The following SLCO2A1 variants were observed in gnomAD, a reference collection of about 807,000 sequenced individuals.
The protein encoded by SLCO2A1 is solute carrier organic anion transporter family member 2A1.
In SLCO2A1, 60 loss-of-function variants were observed where a neutral mutation model predicts 71.7. That is an observed-to-expected ratio of 0.84 (90% confidence interval 0.68 to 1.04). SLCO2A1 has a LOEUF of 1.04. SLCO2A1 is among the 50% of genes least tolerant of loss of function. The pLI, the probability that SLCO2A1 is intolerant of heterozygous loss-of-function variation, is 0.00. For synonymous variants in SLCO2A1, 308 were observed against 326.7 expected, an observed-to-expected ratio of 0.94 and a Z score of 0.62; for missense variants, 745 against 813.4, an observed-to-expected ratio of 0.92 and a Z score of 1.02.
intron 6 of SLCO2A1, 182 bp downstream of exon 6, chr3:133,951,026 T>C: frequency 2.7e-6 from 2 of 753,052 alleles, no homozygotes; most frequent in Non-Finnish European, 4.6e-6. Flanking sequence ...ATACCACCTT[T>C]TGGAAATTCA....
chr3:133,984,304 C>T (rs1041377451), intron 1 of SLCO2A1, among the ~76,000 whole-genome samples: 3 of 152,170 alleles, frequency 2.0e-5, no homozygotes, highest in African/African-American at 7.2e-5. Context: ...TTCCACATCC[C>T]CCACCCCTTC....
intron 1 of SLCO2A1, among the ~76,000 whole-genome samples, chr3:134,006,148 C>CG (rs1935210214): frequency 6.6e-6 from 1 of 152,116 alleles, no homozygotes; most frequent in African/African-American, 2.4e-5. Context: ...CCTTGACCTC[C>CG]GAGGCTCAAG....
chr3:134,022,879 G>C (rs1935619020), intron 1 of SLCO2A1, among the ~76,000 whole-genome samples: 1 of 152,188 alleles, frequency 6.6e-6, no homozygotes, highest in Non-Finnish European at 1.5e-5. Flanking sequence ...CCACTGTCCA[G>C]GTCCCCACAG....
chr3:133,948,842 A>G, intron 7 of SLCO2A1, 51 bp downstream of exon 7: 1 of 1,599,390 alleles, frequency 6.3e-7, no homozygotes, highest in Non-Finnish European at 8.6e-7. Context: ...CCTGGCCACT[A>G]TCCCCTCCCC....
At chr3:134,014,930 GA>G (rs1043169807) in intron 1 of SLCO2A1, among the ~76,000 whole-genome samples, 1 of 152,116 alleles carries the variant, frequency 6.6e-6, no homozygotes, top group Non-Finnish European at 1.5e-5. Context: ...AACTTCAAGG[GA>G]AAAAACATAC....
In SLCO2A1 at chr3:133,935,964, G is replaced by C. The variant is rs371058256; in HGVS notation, c.1691-67C>G. 7.5e-5 allele frequency: 107 copies of C among 1,435,194 alleles called. No individual in the cohort carries two copies. In the East Asian group the frequency reaches 2.1e-3, roughly 28 times the overall value. 88.9% of individuals were successfully genotyped at this position (1,435,194 alleles called of 1,614,324 possible). A position where few individuals can be genotyped will look rare whatever the true frequency, so the allele number is the denominator to read the frequency against. ...GGCAGAGGTGTCCAGCAGGGGTGTG[G>C]GAGCCAAGTCCCCGACACAGTTCAC... On this transcript the variant is annotated intron_variant, in intron 12 of 13. Transcript: ENST00000310926.
chr3:133,972,090 A>G (rs908865717), intron 3 of SLCO2A1, among the ~76,000 whole-genome samples: 1 of 152,240 alleles, frequency 6.6e-6, no homozygotes, highest in African/African-American at 2.4e-5. Context: ...GAAAAAGAGT[A>G]TAATATAAAT....
At position 133,955,017 on chromosome 3, in the gene SLCO2A1, T is replaced by C; in HGVS notation, c.574A>G (p.Ile192Val). The change falls in exon 4 of 14, where the codon ATC becomes GTC. Residue 192 changes from isoleucine (I) to valine (V), a missense_variant. Transcript: ENST00000310926. ...TCTGAGAAGTCATCCACATAGGAGA[T>C]CCCAAATGGCTGAATAGGCACTGTC... ...IGTVPIQPFG[I>V]SYVDDFSEPS... The C allele has an allele frequency of 3.7e-6, 6 of 1,614,026 alleles. No homozygotes were observed. The highest frequency in any genetic ancestry group is 5.1e-6 in the Non-Finnish European group (6 of 1,180,002).
At chr3:133,954,182 G>C (rs1470279338) in intron 4 of SLCO2A1, among the ~76,000 whole-genome samples, 1 of 85,030 alleles carries the variant, frequency 1.2e-5, no homozygotes. Flanking sequence ...TTTTTTTTTA[G>C]ATGGAGTTTC....
intron 2 of SLCO2A1, among the ~76,000 whole-genome samples, chr3:133,974,249 T>C (rs1934400435): frequency 6.6e-6 from 1 of 152,166 alleles, no homozygotes; most frequent in South Asian, 2.1e-4. Context: ...AAATCCCAAG[T>C]TTAATTAGGT....
chr3:133,939,423 G>A (rs1457039730), intron 11 of SLCO2A1, among the ~76,000 whole-genome samples: 1 of 152,200 alleles, frequency 6.6e-6, no homozygotes, highest in African/African-American at 2.4e-5. Flanking sequence ...CCCGGTGGGT[G>A]CTTGTCAGGA....
At chr3:133,964,010 A>T (rs968229313) in intron 3 of SLCO2A1, among the ~76,000 whole-genome samples, 8 of 152,248 alleles carry the variant, frequency 5.3e-5, no homozygotes, top group African/African-American at 1.9e-4. Context: ...AGCCTAGTTA[A>T]TCCATAATGC....
rs772909866 is a variant in SLCO2A1, at chr3:134,029,808, C to T, written c.-6G>A. Reference sequence around the variant, plus strand: ...AGCTTGGGCAGGAGCCCCATGGCTGCGGGCGGCTGGCCGGGCGCGGAGTGG... The same window carrying T: ...AGCTTGGGCAGGAGCCCCATGGCTGTGGGCGGCTGGCCGGGCGCGGAGTGG... On this transcript the variant is annotated 5_prime_UTR_variant, in exon 1 of 14. Transcript: ENST00000310926. The T allele has an allele frequency of 1.1e-5, 16 of 1,436,974 alleles. No homozygotes were observed. Among genetic ancestry groups the T allele is most frequent in the Non-Finnish European group, 1.3e-5 (14 of 1,097,788 alleles). 89.0% of individuals were successfully genotyped at this position (1,436,974 alleles called of 1,614,324 possible). A position where few individuals can be genotyped will look rare whatever the true frequency, so the allele number is the denominator to read the frequency against.
At chr3:133,956,140 C>T (rs886444243) in intron 3 of SLCO2A1, among the ~76,000 whole-genome samples, 3 of 152,334 alleles carry the variant, frequency 2.0e-5, no homozygotes, top group East Asian at 3.9e-4. Context: ...AAACCACTGA[C>T]GTCACCAATC....
intron 3 of SLCO2A1, among the ~76,000 whole-genome samples, chr3:133,967,813 CACCCCACCTCCATA>C (rs1934218467): frequency 8.2e-6 from 1 of 122,520 alleles, no homozygotes; most frequent in Non-Finnish European, 1.9e-5. Context: ...ACAGGCACCC[CACCCCACCTCCATA>C]CCCCCCACAC....
Position 133,955,049 on chromosome 3 carries a change from C to G in SLCO2A1, c.542G>C (p.Gly181Ala). The G allele has an allele frequency of 6.2e-7, 1 of 1,614,172 alleles. No homozygotes were observed. Among genetic ancestry groups the G allele is most frequent in the Non-Finnish European group, 8.5e-7 (1 of 1,180,020 alleles). Reference protein sequence around the residue: ...GLMVVAQLLAGIGTVPIQPFG... With the variant: ...GLMVVAQLLAAIGTVPIQPFG... ...TGGCTGAATAGGCACTGTCCCGATG[C>G]CAGCCAGCAGCTGGGCAACCACCAT... The change falls in exon 4 of 14, where the codon GGC becomes GCC. Residue 181 changes from glycine to alanine, a missense_variant. By Grantham distance (60) the Gly-to-Ala change is moderately conservative. Coordinates refer to ENST00000310926, the MANE Select transcript of SLCO2A1 (RefSeq NM_005630.3).
chr3:133,948,663 T>C lies in SLCO2A1; in HGVS notation c.978A>G (p.Ser326=), dbSNP rs34616463. 8.0e-3 allele frequency: 12,896 copies of C among 1,613,380 alleles called. 870 individuals are homozygous for C. In the African/African-American group the frequency reaches 0.15, roughly 19 times the overall value. ...PCIFLRLLMN[S]LFVLVVLAQC... ...GGGCCAGGACCACCAGGACGAAGAG[T>C]GAGTTCATCAGGAGCCTCAGAAAGA... is the stretch of plus-strand genomic sequence containing the variant. Residue 326 remains serine (S), a synonymous_variant, in exon 8 of 14, where the codon TCA becomes TCG. Coordinates refer to ENST00000310926, the MANE Select transcript of SLCO2A1 (RefSeq NM_005630.3).
rs539612351 is a variant in SLCO2A1 at position 133,961,283 on chromosome 3, G to A, written c.398-6090C>T. 5.9e-5 allele frequency among the ~76,000 whole-genome samples: 9 copies of A among 152,152 alleles called. No individual in the cohort carries two copies. The East Asian group carries it at 1.2e-3, about 20-fold the overall frequency. ...AATGCATAGCCCAGAGGGTGTGTGC[G>A]TAGACACACAAGGCCAGGCTGCTGT... On this transcript the variant is annotated intron_variant, in intron 3 of 13. Transcript: ENST00000310926.
chr3:133,951,486 A>G, intron 5 of SLCO2A1, 142 bp from the exon 6 acceptor site: 1 of 971,720 alleles, frequency 1.0e-6, no homozygotes, highest in Non-Finnish European at 1.5e-6. Flanking sequence ...ATTCTTGGTC[A>G]AAACAACATT....
Sources: allele counts gnomAD v4.1 joint callset (sites outside exome capture counted in the v4.1 genomes callset), GRCh38; gene constraint gnomAD v4.1.1; transcripts MANE v1.5; gene names NCBI Gene and HGNC (gene_info 2026-07-23, HGNC 2026-07-21).